Variants in ERC1 observed in about 807,000 individuals in gnomAD.
The protein encoded by ERC1 is ELKS/RAB6-interacting/CAST family member 1, also known as RAB6 interacting protein 2.
Under a neutral mutation model 132.0 loss-of-function variants are expected in ERC1, and 56 were observed. The ratio of observed to expected loss-of-function variants is 0.42; its 90% CI spans 0.34 to 0.53. The LOEUF is 0.53. Among genes scored for constraint, ERC1 ranks in the 20% least tolerant of loss-of-function variants. The pLI is 0.03. For missense variants in ERC1, 1,202 were observed against 1,349.9 expected (o/e 0.89, Z 1.72); for synonymous variants, 478 against 476.1 (o/e 1.00, Z -0.05).
chr12:1,400,087 A>G (rs1712318022), intron 16 of ERC1, among the ~76,000 whole-genome samples: 1 of 152,172 alleles, frequency 6.6e-6, no homozygotes, highest in Non-Finnish European at 1.5e-5. Flanking sequence ...GTGATGTGGT[A>G]TCTCATTATG....
intron 8 of ERC1, among the ~76,000 whole-genome samples, chr12:1,169,187 A>G (rs1952781861): frequency 6.6e-6 from 1 of 151,066 alleles, no homozygotes; most frequent in African/African-American, 2.4e-5. Flanking sequence ...GCTGTTGGGT[A>G]TGGTGGATGC....
At chr12:1,441,857 T>C (rs1012626863) in intron 17 of ERC1, among the ~76,000 whole-genome samples, 1 of 152,192 alleles carries the variant, frequency 6.6e-6, no homozygotes, top group Non-Finnish European at 1.5e-5. Context: ...TGTGCTTGCA[T>C]TTAAAGTAAT....
chr12:1,448,502 T>C (rs2093356787), intron 18 of ERC1, among the ~76,000 whole-genome samples: 1 of 152,250 alleles, frequency 6.6e-6, no homozygotes, highest in South Asian at 2.1e-4. Context: ...AGAGTTTGAC[T>C]TCAGCTTTAA....
chr12:1,192,364 T>C (rs1955822609), intron 12 of ERC1, among the ~76,000 whole-genome samples: 1 of 152,238 alleles, frequency 6.6e-6, no homozygotes, highest in South Asian at 2.1e-4. Flanking sequence ...GATTATGTTA[T>C]ACCTCTTGTT....
At chr12:1,025,403 A>G (rs1264498392) in intron 1 of ERC1, among the ~76,000 whole-genome samples, 1 of 152,006 alleles carries the variant, frequency 6.6e-6, no homozygotes, top group African/African-American at 2.4e-5. Context: ...TGTATTTTTC[A>G]CCTAGCTTTT....
At chr12:1,256,040 C>T (rs1490789882) in intron 13 of ERC1, among the ~76,000 whole-genome samples, 4 of 152,020 alleles carry the variant, frequency 2.6e-5, no homozygotes, top group African/African-American at 7.2e-5. Context: ...ACATAAATGT[C>T]TCCTTTTGAG....
At chr12:1,383,328 T>C (rs1367145263) in intron 16 of ERC1, among the ~76,000 whole-genome samples, 1 of 152,152 alleles carries the variant, frequency 6.6e-6, no homozygotes, top group African/African-American at 2.4e-5. Context: ...ATTAAGCATA[T>C]GTAAAACTAG....
At chr12:1,055,204 G>T (rs912227630) in intron 2 of ERC1, among the ~76,000 whole-genome samples, 1 of 151,130 alleles carries the variant, frequency 6.6e-6, no homozygotes. Context: ...TTCTTTGACA[G>T]AGTCTCACTC....
chr12:1,050,123 C>G (rs1971691879), intron 2 of ERC1, among the ~76,000 whole-genome samples: 1 of 152,088 alleles, frequency 6.6e-6, no homozygotes, highest in Non-Finnish European at 1.5e-5. Context: ...TCCACAACCT[C>G]CTGGGGTGGG....
chr12:1,004,661 C>T (rs573216707), intron 1 of ERC1, among the ~76,000 whole-genome samples: 19 of 151,730 alleles, frequency 1.3e-4, no homozygotes, highest in South Asian at 4.2e-4. Flanking sequence ...CGCCTTGGCC[C>T]CCCAAAGTGC....
chr12:1,049,914 T>C (rs1324736002), intron 2 of ERC1, among the ~76,000 whole-genome samples: 1 of 152,132 alleles, frequency 6.6e-6, no homozygotes, highest in Admixed American at 6.5e-5. Flanking sequence ...CGGCTAATTT[T>C]GTATTTTTAG....
intron 2 of ERC1, among the ~76,000 whole-genome samples, chr12:1,060,927 C>T (rs116881989): frequency 2.0e-5 from 3 of 152,078 alleles, no homozygotes; most frequent in South Asian, 2.1e-4. Flanking sequence ...GAGGTTTCAC[C>T]GTGTTAGCCA....
At chr12:1,377,711 C>T (rs529497677) in intron 16 of ERC1, among the ~76,000 whole-genome samples, 2 of 152,232 alleles carry the variant, frequency 1.3e-5, no homozygotes, top group East Asian at 1.9e-4. Context: ...TTTTCCTCCT[C>T]GTGGAAAAGG....
chr12:1,385,050 C>T (rs1235449445), intron 16 of ERC1, among the ~76,000 whole-genome samples: 1 of 152,192 alleles, frequency 6.6e-6, no homozygotes. Context: ...CCAAAGTGCA[C>T]ACCTGGAAAC....
chr12:1,378,366 G>A (rs534175321), intron 16 of ERC1, among the ~76,000 whole-genome samples: 3 of 152,262 alleles, frequency 2.0e-5, no homozygotes, highest in East Asian at 3.9e-4. Context: ...GTTTTTGAAC[G>A]AAGCTAAAAT....
chr12:1,262,234 A>C (rs762036425), intron 13 of ERC1, among the ~76,000 whole-genome samples: 19 of 152,228 alleles, frequency 1.2e-4, no homozygotes, highest in Non-Finnish European at 2.5e-4. Flanking sequence ...TGATGACTGC[A>C]GTTCTCCATC....
chr12:1,037,968 C>A (rs536442804), intron 2 of ERC1, among the ~76,000 whole-genome samples: 1 of 151,134 alleles, frequency 6.6e-6, no homozygotes, highest in Non-Finnish European at 1.5e-5. Flanking sequence ...AGCGTGAACC[C>A]GGGAGGCGGC....
At chr12:1,192,390 C>T (rs914140399) in intron 12 of ERC1, among the ~76,000 whole-genome samples, 7 of 152,184 alleles carry the variant, frequency 4.6e-5, no homozygotes, top group African/African-American at 1.4e-4. Context: ...ATTTAGTACT[C>T]GTTTGCATAT....
chr12:1,240,574 T>G (rs186857593), intron 13 of ERC1, among the ~76,000 whole-genome samples: 22 of 152,262 alleles, frequency 1.4e-4, no homozygotes, highest in Middle Eastern at 3.4e-3. Flanking sequence ...AGCTCCTTAT[T>G]TGTGTTTTCC....
Sources: allele counts gnomAD v4.1 joint callset (sites outside exome capture counted in the v4.1 genomes callset), GRCh38; gene constraint gnomAD v4.1.1; transcripts MANE v1.5; gene names NCBI Gene and HGNC (gene_info 2026-07-23, HGNC 2026-07-21).